CDH13: variants seen among roughly 807,000 people sequenced by gnomAD.
CDH13 encodes cadherin-13.
Under a neutral mutation model 63.8 loss-of-function variants are expected in CDH13, and 24 were observed. That is an observed-to-expected ratio of 0.38 (90% CI 0.27 to 0.53). The LOEUF is 0.53. Among genes scored for constraint, CDH13 ranks in the 20% least tolerant of loss-of-function variants. CDH13 has a pLI of 0.85. For missense variants in CDH13, 1,049 were observed against 903.1 expected, an observed-to-expected ratio of 1.16 and a Z score of -2.07; for synonymous variants, 503 against 355.3, an observed-to-expected ratio of 1.42 and a Z score of -4.67.
intron 13 of CDH13, 114 bp from the exon 14 acceptor site, chr16:83,794,909 T>G: frequency 4.3e-6 from 4 of 919,592 alleles, no homozygotes; most frequent in Non-Finnish European, 7.0e-6. Context: ...CATAGTCGTG[T>G]GATGTTTAAA....
intron 1 of CDH13, among the ~76,000 whole-genome samples, chr16:82,638,609 G>A (rs536841419): frequency 6.6e-6 from 1 of 152,076 alleles, no homozygotes; most frequent in Non-Finnish European, 1.5e-5. Flanking sequence ...CTCACTTAAG[G>A]GGGGAAATGA....
chr16:83,537,358 C>T (rs1022884505), intron 7 of CDH13, among the ~76,000 whole-genome samples: 1 of 152,180 alleles, frequency 6.6e-6, no homozygotes, highest in East Asian at 1.9e-4. Context: ...CTGTGTAGAA[C>T]TTTAGGCTGC....
chr16:82,978,699 G>A (rs1053488137), intron 2 of CDH13, among the ~76,000 whole-genome samples: 6 of 152,266 alleles, frequency 3.9e-5, no homozygotes, highest in Non-Finnish European at 8.8e-5. Flanking sequence ...GTGGAAACAC[G>A]TGATGTCCAG....
intron 6 of CDH13, among the ~76,000 whole-genome samples, chr16:83,346,952 C>T (rs1402063812): frequency 3.3e-5 from 5 of 152,132 alleles, no homozygotes; most frequent in Non-Finnish European, 5.9e-5. Flanking sequence ...ACTCAGGTGT[C>T]TGTATGGATT....
At chr16:83,718,381 A>T (rs971118594) in intron 10 of CDH13, among the ~76,000 whole-genome samples, 1 of 152,210 alleles carries the variant, frequency 6.6e-6, no homozygotes, top group Non-Finnish European at 1.5e-5. Flanking sequence ...TAGTGAAAGT[A>T]TGGTTTATTG....
chr16:82,866,377 C>CTTTTTTTTTTTTTTTTTTTT lies in CDH13; in HGVS notation c.157+7914_157+7933dup, dbSNP rs538206338. Among the ~76,000 whole-genome samples, 14 of 58,302 alleles carry CTTTTTTTTTTTTTTTTTTTT rather than the reference C, an allele frequency of 2.4e-4. 1 individual carries two copies. The highest frequency in any genetic ancestry group is 7.2e-4 in the South Asian group (1 of 1,380). The allele number at this position is 58,302 out of a possible 152,430, so 38.2% of individuals were successfully genotyped here. A position where few individuals can be genotyped will look rare whatever the true frequency, so the allele number is the denominator to read the frequency against. ...TCTGTTTTCTTTTCTTTTTCTTCTT[C>CTTTTTTTTTTTTTTTTTTTT]TTTTTTTTTTTTTTTTTTTTTTTTT... On this transcript the variant is annotated intron_variant, in intron 2 of 13. Coordinates refer to ENST00000567109, the MANE Select transcript of CDH13 (RefSeq NM_001257.5).
chr16:83,101,666 T>C (rs1001360757), intron 3 of CDH13, among the ~76,000 whole-genome samples: 5 of 152,126 alleles, frequency 3.3e-5, no homozygotes, highest in Admixed American at 1.3e-4. Flanking sequence ...TCGTTTTGCA[T>C]GCATGTCATC....
At chr16:83,376,641 G>A (rs1191349723) in intron 6 of CDH13, among the ~76,000 whole-genome samples, 2 of 152,178 alleles carry the variant, frequency 1.3e-5, no homozygotes, top group Non-Finnish European at 2.9e-5. Flanking sequence ...GTCTCAGGTG[G>A]TTGTGGTAGA....
rs67886035 is a variant in CDH13, at chr16:83,743,748, C to CTTTTTTTTTTTTTTTTTTTTTTTTTT, written c.1539-4341_1539-4340insTTTTTTTTTTTTTTTTTTTTTTTTTT. ...TGATGAGTTGCCTTTTTTCTTTTTT[C>CTTTTTTTTTTTTTTTTTTTTTTTTTT]TTTTTTTTTTTTTTTTTTTCTTTGC... On this transcript the variant is annotated intron_variant, in intron 10 of 13. Transcript: ENST00000567109. Among the ~76,000 whole-genome samples, 12 of 76,264 alleles carry CTTTTTTTTTTTTTTTTTTTTTTTTTT rather than the reference C, an allele frequency of 1.6e-4. 2 individuals are homozygous for CTTTTTTTTTTTTTTTTTTTTTTTTTT. Among genetic ancestry groups the CTTTTTTTTTTTTTTTTTTTTTTTTTT allele is most frequent in the Admixed American group, 2.4e-4 (1 of 4,236 alleles). The allele number at this position is 76,264 out of a possible 152,430, so 50.0% of individuals were successfully genotyped here.
At chr16:83,198,322 TACAC>T (rs10547222) in intron 4 of CDH13, among the ~76,000 whole-genome samples, 3,398 of 144,556 alleles carry the variant, frequency 0.024, 78 homozygotes, top group African/African-American at 0.064. Flanking sequence ...CACACACATG[TACAC>T]ACACACACAC....
intron 7 of CDH13, among the ~76,000 whole-genome samples, chr16:83,597,565 C>G (rs932403994): frequency 1.3e-5 from 2 of 152,084 alleles, no homozygotes; most frequent in African/African-American, 4.8e-5. Context: ...GAGGAGAGTT[C>G]TTTGAAATGA....
intron 7 of CDH13, among the ~76,000 whole-genome samples, chr16:83,490,849 G>A (rs888566197): frequency 6.6e-6 from 1 of 152,118 alleles, no homozygotes; most frequent in Admixed American, 6.5e-5. Flanking sequence ...TCCATTACAC[G>A]CTCATCCATT....
intron 1 of CDH13, among the ~76,000 whole-genome samples, chr16:82,740,279 G>A (rs1206088264): frequency 1.3e-5 from 2 of 152,114 alleles, no homozygotes; most frequent in Admixed American, 6.5e-5. Context: ...ATTCTGGATG[G>A]AAACTCATCA....
intron 6 of CDH13, among the ~76,000 whole-genome samples, chr16:83,372,385 T>C (rs922688180): frequency 6.6e-6 from 1 of 152,122 alleles, no homozygotes; most frequent in African/African-American, 2.4e-5. Context: ...TAAGGACGTT[T>C]TTCTCCCCAT....
chr16:82,633,921 T>C (rs1170552054), intron 1 of CDH13, among the ~76,000 whole-genome samples: 2 of 152,198 alleles, frequency 1.3e-5, no homozygotes, highest in South Asian at 2.1e-4. Flanking sequence ...AGAGTAAATA[T>C]AACTCCATAT....
At chr16:83,595,859 C>G (rs1907203318) in intron 7 of CDH13, among the ~76,000 whole-genome samples, 1 of 152,200 alleles carries the variant, frequency 6.6e-6, no homozygotes, top group Non-Finnish European at 1.5e-5. Context: ...GTAACTGAAA[C>G]TCATTCAGGC....
At chr16:82,716,150 T>C (rs1462379191) in intron 1 of CDH13, among the ~76,000 whole-genome samples, 2 of 152,182 alleles carry the variant, frequency 1.3e-5, no homozygotes, top group Admixed American at 6.5e-5. Flanking sequence ...CAGAGAGCCA[T>C]GGCACTCCTC....
At chr16:83,208,863 A>G (rs137984847) in intron 4 of CDH13, among the ~76,000 whole-genome samples, 20 of 152,302 alleles carry the variant, frequency 1.3e-4, no homozygotes, top group African/African-American at 4.6e-4. Flanking sequence ...ACTAGAATTT[A>G]TTTATCTAGA....
intron 2 of CDH13, among the ~76,000 whole-genome samples, chr16:82,904,109 A>T (rs1567647433): frequency 6.6e-6 from 1 of 152,158 alleles, no homozygotes; most frequent in East Asian, 1.9e-4. Context: ...GAATGGTAAT[A>T]AGCAATTAGA....
Sources: gnomAD v4.1 joint callset for allele counts (sites outside exome capture counted in the v4.1 genomes callset) on GRCh38, gnomAD v4.1.1 for gene constraint, MANE v1.5 for transcripts, NCBI Gene and HGNC (gene_info 2026-07-23, HGNC 2026-07-21) for gene names.